Variants in RBFOX1 observed in about 807,000 individuals in gnomAD.
RBFOX1 encodes the protein RNA binding protein fox-1 homolog 1.
A neutral mutation model predicts 57.7 loss-of-function variants in RBFOX1; 8 were observed. The ratio of observed to expected loss-of-function variants is 0.14; its 90% CI spans 0.08 to 0.25. RBFOX1 has a LOEUF of 0.25. Among genes scored for constraint, RBFOX1 ranks in the 10% least tolerant of loss-of-function variants. The pLI is 1.00. For missense variants in RBFOX1, 611 were observed against 548.5 expected (o/e 1.11, Z -1.14); for synonymous variants, 326 against 222.4 (o/e 1.47, Z -4.15).
chr16:6,932,977 A>G (rs1481423980), intron 3 of RBFOX1, among the ~76,000 whole-genome samples: 3 of 152,194 alleles, frequency 2.0e-5, no homozygotes, highest in African/African-American at 4.8e-5. Flanking sequence ...TATCTCATGT[A>G]AGTGGAATCA....
intron 4 of RBFOX1, among the ~76,000 whole-genome samples, chr16:7,488,774 A>G (rs534002383): frequency 7.2e-5 from 11 of 152,304 alleles, no homozygotes; most frequent in South Asian, 2.1e-4. Flanking sequence ...TTGTATATGT[A>G]TACATCTATC....
intron 2 of RBFOX1, among the ~76,000 whole-genome samples, chr16:6,547,730 G>T: frequency 6.6e-6 from 1 of 151,502 alleles, no homozygotes; most frequent in South Asian, 2.1e-4. Flanking sequence ...TCTACTCTGG[G>T]ATACATTTCG....
intron 3 of RBFOX1, among the ~76,000 whole-genome samples, chr16:6,725,555 CTGTT>C (rs2066999173): frequency 6.6e-6 from 1 of 152,126 alleles, no homozygotes; most frequent in Admixed American, 6.5e-5. Flanking sequence ...AATCCACCCC[CTGTT>C]TAGCATATAA....
chr16:6,971,372 A>C (rs1370067081), intron 3 of RBFOX1, among the ~76,000 whole-genome samples: 1 of 152,072 alleles, frequency 6.6e-6, no homozygotes, highest in Admixed American at 6.6e-5. Context: ...GACTCAGCCT[A>C]AAGTGGGGAG....
rs566784738 is a variant in RBFOX1 at position 7,546,108 on chromosome 16, C to T, written c.270+27719C>T. On this transcript the variant is annotated intron_variant, in intron 5 of 15. Coordinates refer to ENST00000550418, the MANE Select transcript of RBFOX1 (RefSeq NM_018723.4). Reference sequence around the variant, plus strand: ...TTGGGGGACAGAGGCAGGTGGATCACCTGAGGTCAGGAGTTCGAGACCAGC... The same window carrying T: ...TTGGGGGACAGAGGCAGGTGGATCATCTGAGGTCAGGAGTTCGAGACCAGC... Among the ~76,000 whole-genome samples, 5 of 151,568 alleles carry T rather than the reference C, an allele frequency of 3.3e-5. No individual in the cohort carries two copies. The South Asian group carries it at 1.0e-3, about 32-fold the overall frequency.
chr16:6,777,330 T>C (rs1182646991), intron 3 of RBFOX1, among the ~76,000 whole-genome samples: 1 of 152,176 alleles, frequency 6.6e-6, no homozygotes, highest in African/African-American at 2.4e-5. Flanking sequence ...TTTGCTCCTA[T>C]ACCTAGTGGA....
At chr16:5,248,289 A>C (rs890326905) in intron 1 of RBFOX1, among the ~76,000 whole-genome samples, 13 of 152,290 alleles carry the variant, frequency 8.5e-5, no homozygotes, top group African/African-American at 2.7e-4. Flanking sequence ...GCTCTTGCTA[A>C]TAACCAGATG....
At chr16:6,861,200 C>T (rs1305768943) in intron 3 of RBFOX1, among the ~76,000 whole-genome samples, 1 of 152,162 alleles carries the variant, frequency 6.6e-6, no homozygotes, top group East Asian at 1.9e-4. Context: ...ATCTGAACAG[C>T]TACAGTTACC....
chr16:7,051,734 T>G (rs2153729780), intron 3 of RBFOX1, among the ~76,000 whole-genome samples: 1 of 152,006 alleles, frequency 6.6e-6, no homozygotes, highest in South Asian at 2.1e-4. Flanking sequence ...CAAGCTGGGG[T>G]TTTCAGGGAA....
chr16:5,907,370 C>T (rs542172074), intron 4 of RBFOX1, among the ~76,000 whole-genome samples: 15 of 152,122 alleles, frequency 9.9e-5, no homozygotes, highest in Non-Finnish European at 1.8e-4. Context: ...ACTAGACAAA[C>T]ACTTCTCCAT....
chr16:6,299,687 C>T lies in RBFOX1; in HGVS notation c.-126-17308C>T, dbSNP rs988397257. ...ATCCCTAATGGATCCTTAATGACTA[C>T]CTGCCAAAGCCTAAACTCAGTTATT... On this transcript the variant is annotated intron_variant, in intron 1 of 15. Transcript: ENST00000550418. Among the ~76,000 whole-genome samples the T allele has an allele frequency of 4.2e-4, 64 of 152,184 alleles. 1 individual carries two copies. Among genetic ancestry groups the T allele is most frequent in the Non-Finnish European group, 6.9e-4 (47 of 68,042 alleles).
chr16:5,441,913 C>T (rs940861760), intron 1 of RBFOX1, among the ~76,000 whole-genome samples: 9 of 152,104 alleles, frequency 5.9e-5, no homozygotes, highest in South Asian at 2.1e-4. Flanking sequence ...TTCTCTCCCA[C>T]GACACATGGG....
At chr16:7,131,020 G>A (rs2070197518) in intron 4 of RBFOX1, among the ~76,000 whole-genome samples, 1 of 152,118 alleles carries the variant, frequency 6.6e-6, no homozygotes, top group Non-Finnish European at 1.5e-5. Context: ...TTAGAAATTT[G>A]TGACTTTGAA....
intron 4 of RBFOX1, among the ~76,000 whole-genome samples, chr16:7,348,300 A>G (rs546821907): frequency 6.6e-6 from 1 of 152,304 alleles, no homozygotes; most frequent in Admixed American, 6.5e-5. Flanking sequence ...TCTTCCCTAA[A>G]TAATTCTTAT....
chr16:6,386,783 C>G (rs1269381013), intron 2 of RBFOX1, among the ~76,000 whole-genome samples: 4 of 152,056 alleles, frequency 2.6e-5, no homozygotes, highest in Non-Finnish European at 5.9e-5. Context: ...CTCTGGGGAT[C>G]TACTATTTCA....
At chr16:6,767,935 T>TAAGAAGAAGAAGAAGAAG (rs1423679473) in intron 3 of RBFOX1, among the ~76,000 whole-genome samples, 22 of 93,230 alleles carry the variant, frequency 2.4e-4, no homozygotes, top group African/African-American at 1.2e-3. Flanking sequence ...ATAATAATAA[T>TAAGAAGAAGAAGAAGAAG]AATAATAATA....
chr16:6,885,061 C>G (rs553817841), intron 3 of RBFOX1, among the ~76,000 whole-genome samples: 6 of 152,298 alleles, frequency 3.9e-5, no homozygotes, highest in Admixed American at 2.0e-4. Context: ...AATATGAAAT[C>G]TCCTGCAGAA....
chr16:7,339,387 A>T (rs1178126370), intron 4 of RBFOX1, among the ~76,000 whole-genome samples: 4 of 152,176 alleles, frequency 2.6e-5, no homozygotes, highest in African/African-American at 9.7e-5. Context: ...CTAGCATATA[A>T]AGTATGTTTA....
intron 5 of RBFOX1, among the ~76,000 whole-genome samples, chr16:7,524,688 A>G (rs1373940776): frequency 6.6e-6 from 1 of 152,228 alleles, no homozygotes; most frequent in Admixed American, 6.5e-5. Flanking sequence ...GACAGGGAAA[A>G]GAACTATTTA....
Sources: allele counts gnomAD v4.1 joint callset (sites outside exome capture counted in the v4.1 genomes callset), GRCh38; gene constraint gnomAD v4.1.1; transcripts MANE v1.5; gene names NCBI Gene and HGNC (gene_info 2026-07-23, HGNC 2026-07-21).